The following PTN variants were observed in gnomAD, a reference collection of about 807,000 sequenced individuals.
PTN encodes the protein heparin affin regulatory protein.
Under a neutral mutation model 24.1 loss-of-function variants are expected in PTN, and 18 were observed. The observed-to-expected ratio is 0.75, with a 90% CI of 0.52 to 1.11. PTN has a LOEUF of 1.11. Among genes scored for constraint, PTN ranks in the 50% least tolerant of loss-of-function variants. The probability of loss-of-function intolerance (pLI) is 0.00; values close to 1 mark genes in which losing one functional copy is unlikely to be tolerated. For missense variants in PTN, 163 were observed against 198.8 expected (o/e 0.82, Z 1.08); for synonymous variants, 78 against 68.6 (o/e 1.14, Z -0.67).
intron 3 of PTN, among the ~76,000 whole-genome samples, chr7:137,251,944 A>G (rs1808834737): frequency 6.6e-6 from 1 of 151,868 alleles, no homozygotes; most frequent in East Asian, 1.9e-4. Context: ...GCTGAAGGAC[A>G]TCCGAGTTGT....
intron 1 of PTN, among the ~76,000 whole-genome samples, chr7:137,268,551 T>C (rs1397995452): frequency 2.0e-5 from 3 of 152,154 alleles, no homozygotes; most frequent in Non-Finnish European, 2.9e-5. Context: ...GGGTACGTGA[T>C]AGGGGCTGTG....
At chr7:137,321,158 C>T (rs1810156347) in intron 1 of PTN, among the ~76,000 whole-genome samples, 3 of 152,146 alleles carry the variant, frequency 2.0e-5, no homozygotes, top group African/African-American at 7.2e-5. Context: ...AATTATATAA[C>T]ACATGTGCAG....
chr7:137,262,212 G>T (rs1479606492), intron 1 of PTN, among the ~76,000 whole-genome samples: 1 of 151,980 alleles, frequency 6.6e-6, no homozygotes, highest in East Asian at 1.9e-4. Flanking sequence ...ACAGTAATGA[G>T]ATCTTTGCTT....
At chr7:137,248,058 A>G (rs2128870349) in intron 4 of PTN, among the ~76,000 whole-genome samples, 1 of 152,314 alleles carries the variant, frequency 6.6e-6, no homozygotes, top group South Asian at 2.1e-4. Flanking sequence ...ATAAGTTACC[A>G]TATGGAAAAC....
chr7:137,278,883 G>A (rs991518262), intron 1 of PTN, among the ~76,000 whole-genome samples: 2 of 151,248 alleles, frequency 1.3e-5, no homozygotes, highest in African/African-American at 4.8e-5. Context: ...AGAGGTTGCA[G>A]TGAGCCAAGA....
At chr7:137,236,372 C>T in intron 4 of PTN, 1 of 660,532 alleles carries the variant, frequency 1.5e-6, no homozygotes, top group Non-Finnish European at 2.7e-6. Flanking sequence ...GGATCAGTCC[C>T]TGATCTGACC....
intron 1 of PTN, among the ~76,000 whole-genome samples, chr7:137,291,516 G>A (rs1809638427): frequency 6.6e-6 from 1 of 151,954 alleles, no homozygotes; most frequent in African/African-American, 2.4e-5. Context: ...AAGGCAGCTG[G>A]GCACCTGTAC....
intron 1 of PTN, among the ~76,000 whole-genome samples, chr7:137,334,764 T>C (rs1810418362): frequency 6.6e-6 from 1 of 151,610 alleles, no homozygotes; most frequent in African/African-American, 2.4e-5. Context: ...CGCGGCACTA[T>C]TCACAATAGC....
intron 1 of PTN, among the ~76,000 whole-genome samples, chr7:137,276,300 G>A (rs1809357777): frequency 6.6e-6 from 1 of 152,182 alleles, no homozygotes. Flanking sequence ...TGACCCTAGA[G>A]ACCCAGCTCT....
intron 4 of PTN, among the ~76,000 whole-genome samples, chr7:137,239,370 TC>T (rs1644788282): frequency 7.4e-6 from 1 of 135,742 alleles, no homozygotes; most frequent in Non-Finnish European, 1.5e-5. Flanking sequence ...GATGTAATTT[TC>T]TTTTTTATTT....
rs866767899 is a variant in PTN at position 137,324,435 on chromosome 7, T to A, written c.-2+19004A>T. The stretch of plus-strand genomic sequence containing the variant: ...CTGTCTCTAAAAAAAAAAAAAAAAA[T>A]ATATATATATATATATAAATTAACC... On this transcript the variant is annotated intron_variant, in intron 1 of 4. Transcript: ENST00000348225. Among the ~76,000 whole-genome samples the A allele has an allele frequency of 7.9e-3, 507 of 64,318 alleles. 4 individuals are homozygous for A. The highest frequency in any genetic ancestry group is 0.036 in the African/African-American group (428 of 11,854). 42.2% of individuals were successfully genotyped at this position (64,318 alleles called of 152,430 possible). A position where few individuals can be genotyped will look rare whatever the true frequency, so the allele number is the denominator to read the frequency against.
intron 1 of PTN, among the ~76,000 whole-genome samples, chr7:137,316,388 A>C (rs1166328304): frequency 2.6e-5 from 4 of 152,172 alleles, no homozygotes; most frequent in Non-Finnish European, 5.9e-5. Context: ...TCTTGAGGGC[A>C]TCGTCCATAT....
At chr7:137,314,647 C>CG (rs1810040298) in intron 1 of PTN, among the ~76,000 whole-genome samples, 1 of 149,672 alleles carries the variant, frequency 6.7e-6, no homozygotes, top group Admixed American at 6.7e-5. Context: ...TGCTGAAATC[C>CG]AGCATGGTGT....
intron 1 of PTN, among the ~76,000 whole-genome samples, chr7:137,261,621 C>T (rs1266072063): frequency 6.6e-6 from 1 of 152,078 alleles, no homozygotes; most frequent in Non-Finnish European, 1.5e-5. Flanking sequence ...GGAGAAATGG[C>T]ATATAAATTT....
chr7:137,331,494 T>C (rs1342113128), intron 1 of PTN, among the ~76,000 whole-genome samples: 1 of 152,226 alleles, frequency 6.6e-6, no homozygotes, highest in Non-Finnish European at 1.5e-5. Flanking sequence ...ATCGGGAATG[T>C]GGTGGTCAAA....
intron 1 of PTN, among the ~76,000 whole-genome samples, chr7:137,292,533 T>C (rs1181252217): frequency 6.6e-6 from 1 of 152,170 alleles, no homozygotes; most frequent in Non-Finnish European, 1.5e-5. Context: ...TCTTCTGCCA[T>C]AATTGTGAGG....
At chr7:137,324,433 A>AAAAAAAAAAAAAAAATATATATATAT in intron 1 of PTN, among the ~76,000 whole-genome samples, 1 of 88,762 alleles carries the variant, frequency 1.1e-5, no homozygotes, top group African/African-American at 6.9e-5. Context: ...AAAAAAAAAA[A>AAAAAAAAAAAAAAAATATATATATAT]ATATATATAT....
At chr7:137,339,526 A>T (rs1274954979) in intron 1 of PTN, among the ~76,000 whole-genome samples, 1 of 149,734 alleles carries the variant, frequency 6.7e-6, no homozygotes, top group East Asian at 2.0e-4. Context: ...TCAACATTGC[A>T]GTGATGAAAA....
At chr7:137,254,837 C>A in intron 2 of PTN, 22 bp downstream of exon 2, 1 of 1,474,588 alleles carries the variant, frequency 6.8e-7, no homozygotes, top group Non-Finnish European at 9.2e-7. Context: ...AAGCATCTTG[C>A]CTTCAGAACC....
Sources: allele counts gnomAD v4.1 joint callset (sites outside exome capture counted in the v4.1 genomes callset), GRCh38; gene constraint gnomAD v4.1.1; transcripts MANE v1.5; gene names NCBI Gene and HGNC (gene_info 2026-07-23, HGNC 2026-07-21).